Variants in GPR158 observed in about 807,000 individuals in gnomAD.
GPR158 encodes G protein-coupled receptor 158.
Under a neutral mutation model 78.2 loss-of-function variants are expected in GPR158, and 30 were observed. The ratio of observed to expected loss-of-function variants is 0.38; its 90% confidence interval spans 0.29 to 0.52. The LOEUF (loss-of-function observed/expected upper bound fraction) is 0.52. Ranked by LOEUF, GPR158 falls within the 20% of genes least tolerant of loss-of-function variation. GPR158 has a pLI of 0.83. For synonymous variants in GPR158, 581 were observed against 591.1 expected, an observed-to-expected ratio of 0.98 and a Z score of 0.25; for missense variants, 1,463 against 1,523.5, an observed-to-expected ratio of 0.96 and a Z score of 0.66.
chr10:25,176,334 C>G lies in GPR158; in HGVS notation c.902+12C>G. Reference sequence around the variant, plus strand: ...GTCCCGGAATTCAGGTAGGGAGGGCCGGGGGGCAGGGGGGAAGGCAAAAGC... The same window carrying G: ...GTCCCGGAATTCAGGTAGGGAGGGCGGGGGGGCAGGGGGGAAGGCAAAAGC... On this transcript the variant is annotated intron_variant, in intron 1 of 10. Transcript: ENST00000376351. This position sits in a 1 kb window ranked among gnomAD's most constrained non-coding sequence, Gnocchi z 6.3. 1.9e-6 allele frequency: 3 copies of G among 1,549,254 alleles called. No individual in the cohort carries two copies. Among genetic ancestry groups the G allele is most frequent in the African/African-American group, 1.4e-5 (1 of 73,246 alleles).
intron 7 of GPR158, among the ~76,000 whole-genome samples, chr10:25,586,902 C>G (rs1041975507): frequency 6.6e-6 from 1 of 152,200 alleles, no homozygotes; most frequent in Non-Finnish European, 1.5e-5. Context: ...TCCTACTGAT[C>G]ACTGTACAGA....
intron 4 of GPR158, among the ~76,000 whole-genome samples, chr10:25,416,831 G>C (rs1834668134): frequency 6.6e-6 from 1 of 151,934 alleles, no homozygotes; most frequent in Non-Finnish European, 1.5e-5. Context: ...TCCAGCATAT[G>C]AAATAAAAAC....
intron 6 of GPR158, among the ~76,000 whole-genome samples, chr10:25,552,779 C>G (rs1836743727): frequency 6.6e-6 from 1 of 152,176 alleles, no homozygotes; most frequent in Admixed American, 6.5e-5. Flanking sequence ...CAGCCTGTCT[C>G]CAAGTGTCTG....
chr10:25,216,251 C>A (rs1480567389), intron 1 of GPR158, among the ~76,000 whole-genome samples: 1 of 152,198 alleles, frequency 6.6e-6, no homozygotes, highest in East Asian at 1.9e-4. Flanking sequence ...TTTCATCAAT[C>A]AATTTCAGCA....
intron 6 of GPR158, among the ~76,000 whole-genome samples, chr10:25,572,104 T>A (rs935233027): frequency 6.6e-6 from 1 of 152,146 alleles, no homozygotes; most frequent in Non-Finnish European, 1.5e-5. Flanking sequence ...TTCAGGACTA[T>A]TTTTTGATCC....
intron 5 of GPR158, among the ~76,000 whole-genome samples, chr10:25,527,391 G>T (rs1164073025): frequency 6.6e-6 from 1 of 151,972 alleles, no homozygotes; most frequent in African/African-American, 2.4e-5. Context: ...GATAAAAAAA[G>T]AATATCCTAT....
At chr10:25,384,267 TA>T (rs1464308717) in intron 2 of GPR158, among the ~76,000 whole-genome samples, 31 of 152,018 alleles carry the variant, frequency 2.0e-4, no homozygotes, top group Non-Finnish European at 1.5e-5. Context: ...AAATAAAGAA[TA>T]AAAAACCATG....
At chr10:25,241,311 T>TCTCTTCTC (rs1853617828) in intron 2 of GPR158, among the ~76,000 whole-genome samples, 2 of 104,588 alleles carry the variant, frequency 1.9e-5, no homozygotes, top group African/African-American at 8.8e-5. Context: ...TTTCTTTTCT[T>TCTCTTCTC]TTCTCTTCTC....
chr10:25,523,934 A>C (rs1267567091), intron 5 of GPR158, among the ~76,000 whole-genome samples: 3 of 152,190 alleles, frequency 2.0e-5, no homozygotes, highest in African/African-American at 4.8e-5. Context: ...AGAAAACTCT[A>C]AGGAATGCAC....
chr10:25,364,567 C>G (rs1855691894), intron 2 of GPR158, among the ~76,000 whole-genome samples: 1 of 151,834 alleles, frequency 6.6e-6, no homozygotes. Context: ...GCTGATTACT[C>G]CTGATGTTCC....
At chr10:25,436,955 C>T (rs1242859501) in intron 4 of GPR158, among the ~76,000 whole-genome samples, 1 of 151,874 alleles carries the variant, frequency 6.6e-6, no homozygotes, top group Non-Finnish European at 1.5e-5. Flanking sequence ...TCTGAGCTAC[C>T]CCTAAAGGAG....
At chr10:25,281,159 A>C (rs1196009093) in intron 2 of GPR158, among the ~76,000 whole-genome samples, 1 of 150,750 alleles carries the variant, frequency 6.6e-6, no homozygotes, top group African/African-American at 2.4e-5. Context: ...AAAATTACTC[A>C]TCAGTTAATA....
At chr10:25,472,375 A>G (rs936301767) in intron 5 of GPR158, among the ~76,000 whole-genome samples, 1 of 152,148 alleles carries the variant, frequency 6.6e-6, no homozygotes, top group African/African-American at 2.4e-5. Flanking sequence ...GCCTTGTAGT[A>G]TAGTTTGAAG....
intron 4 of GPR158, among the ~76,000 whole-genome samples, chr10:25,412,913 T>C (rs1465918822): frequency 6.6e-6 from 1 of 152,202 alleles, no homozygotes; most frequent in East Asian, 1.9e-4. Context: ...AAGAATGAAT[T>C]TATTTATGAC....
At chr10:25,199,223 A>G (rs1227643354) in intron 1 of GPR158, among the ~76,000 whole-genome samples, 1 of 151,130 alleles carries the variant, frequency 6.6e-6, no homozygotes, top group African/African-American at 2.4e-5. Flanking sequence ...TGTAAAGATT[A>G]TTTTCTTACC....
chr10:25,598,256 G>A lies in GPR158; in HGVS notation c.2630G>A (p.Cys877Tyr), dbSNP rs1837438562. ...TCCACGGAGTCGGTGCCGTTGGTGTGCAAGTCAGCAAGCGCTCACAACCTC... is the reference window on the plus strand; with the variant it reads ...TCCACGGAGTCGGTGCCGTTGGTGTACAAGTCAGCAAGCGCTCACAACCTC... ...AESTESVPLV[C>Y]KSASAHNLSS... Residue 877 changes from cysteine to tyrosine, a missense_variant, in exon 11 of 11, where the codon TGC (cysteine) becomes TAC (tyrosine). Coordinates refer to ENST00000376351, the MANE Select transcript of GPR158 (RefSeq NM_020752.3). The A allele has an allele frequency of 1.9e-6, 3 of 1,614,088 alleles. No homozygotes were observed. Among genetic ancestry groups the A allele is most frequent in the South Asian group, 1.1e-5 (1 of 91,078 alleles).
chr10:25,299,983 C>T (rs73608267), intron 2 of GPR158, among the ~76,000 whole-genome samples: 25,899 of 151,898 alleles, frequency 0.17, 3,704 homozygotes, highest in African/African-American at 0.4. Context: ...CATGCCGCCA[C>T]GCCCAGCTAG....
chr10:25,452,942 C>G (rs553136476), intron 4 of GPR158, among the ~76,000 whole-genome samples: 2 of 152,292 alleles, frequency 1.3e-5, no homozygotes, highest in African/African-American at 4.8e-5. Flanking sequence ...ATGAGTTCAA[C>G]TTTCTTAGAT....
At chr10:25,476,509 C>T (rs1167596665) in intron 5 of GPR158, among the ~76,000 whole-genome samples, 3 of 118,922 alleles carry the variant, frequency 2.5e-5, no homozygotes, top group Admixed American at 8.9e-5. Flanking sequence ...CTCCCTACCC[C>T]GGTCTTATAA....
Sources: gnomAD v4.1 joint callset for allele counts (sites outside exome capture counted in the v4.1 genomes callset) on GRCh38, gnomAD v4.1.1 for gene constraint, Gnocchi (gnomAD v3.1) non-coding constraint, MANE v1.5 for transcripts, NCBI Gene and HGNC (gene_info 2026-07-23, HGNC 2026-07-21) for gene names.